Variants in COL26A1 observed in about 807,000 individuals in gnomAD.
The protein encoded by COL26A1 is collagen alpha-1(XXVI) chain.
A neutral mutation model predicts 59.3 loss-of-function variants in COL26A1; 41 were observed. That is an observed-to-expected ratio of 0.69 (90% CI 0.54 to 0.90). The LOEUF (loss-of-function observed/expected upper bound fraction) is 0.90, where lower values mean the gene tolerates loss of function less well. Ranked by LOEUF, COL26A1 falls within the 40% of genes least tolerant of loss-of-function variation. The pLI is 0.00. For synonymous variants in COL26A1, 266 were observed against 256.0 expected, an observed-to-expected ratio of 1.04 and a Z score of -0.37; for missense variants, 612 against 602.3, an observed-to-expected ratio of 1.02 and a Z score of -0.17.
chr7:101,366,474 A>ATTTTTT (rs869149636), intron 1 of COL26A1, among the ~76,000 whole-genome samples: 4 of 76,272 alleles, frequency 5.2e-5, no homozygotes, highest in East Asian at 3.7e-4. Context: ...TTAACGTCTG[A>ATTTTTT]TTTTTTTTTT....
intron 3 of COL26A1, among the ~76,000 whole-genome samples, chr7:101,525,409 C>T (rs1400874372): frequency 6.6e-6 from 1 of 151,102 alleles, no homozygotes; most frequent in Non-Finnish European, 1.5e-5. Flanking sequence ...TCTTGATCTC[C>T]TGAAGTCGTG....
At chr7:101,545,217 T>A in intron 6 of COL26A1, 121 bp from the exon 7 acceptor site, 4 of 838,372 alleles carry the variant, frequency 4.8e-6, no homozygotes, top group Non-Finnish European at 7.1e-6. Context: ...AGGTCACCAC[T>A]GACTGCCTGT....
At chr7:101,388,326 T>G (rs1404618962) in intron 1 of COL26A1, among the ~76,000 whole-genome samples, 2 of 151,352 alleles carry the variant, frequency 1.3e-5, no homozygotes, top group Non-Finnish European at 2.9e-5. Context: ...TACAAAAAAT[T>G]AGCTGGGTGT....
Position 101,370,810 on chromosome 7 carries a change from T to G in COL26A1, c.158+7620T>G, listed in dbSNP as rs373957961. On this transcript the variant is annotated intron_variant, in intron 1 of 12. Coordinates refer to ENST00000313669, the MANE Select transcript of COL26A1 (RefSeq NM_001278563.3). ...CCTCCCTCTTACCTTGACTCCCCCC[T>G]CTTTTGGTAGAACCACAAGCACCCT... 9.9e-5 allele frequency among the ~76,000 whole-genome samples: 15 copies of G among 152,250 alleles called. No homozygotes were observed. In the East Asian group the frequency reaches 1.5e-3, roughly 16 times the overall value.
At chr7:101,445,061 G>C (rs1191932650) in intron 2 of COL26A1, among the ~76,000 whole-genome samples, 2 of 150,722 alleles carry the variant, frequency 1.3e-5, no homozygotes, top group African/African-American at 4.9e-5. Context: ...GGCTGGTCTC[G>C]AACTCCTGAC....
Position 101,526,672 on chromosome 7 carries a change from C to G in COL26A1, c.386-6410C>G, listed in dbSNP as rs140707675. On this transcript the variant is annotated intron_variant, in intron 3 of 12. Coordinates refer to ENST00000313669, the MANE Select transcript of COL26A1 (RefSeq NM_001278563.3). ...TGAATTCTGGGAGCAGAGCCATCACCAGGAGCAGTGCTGACCAAAGGCAGA... is the reference window on the plus strand; with the variant it reads ...TGAATTCTGGGAGCAGAGCCATCACGAGGAGCAGTGCTGACCAAAGGCAGA... Among the ~76,000 whole-genome samples the G allele has an allele frequency of 8.3e-3, 1,266 of 152,340 alleles. 9 individuals carry two copies. Among genetic ancestry groups the G allele is most frequent in the Middle Eastern group, 0.017 (5 of 294 alleles).
intron 1 of COL26A1, among the ~76,000 whole-genome samples, chr7:101,384,025 T>C (rs1418260426): frequency 6.6e-6 from 1 of 152,100 alleles, no homozygotes; most frequent in African/African-American, 2.4e-5. Context: ...TATTTATTTA[T>C]TTATTTGAGA....
chr7:101,519,938 C>G (rs1390151530), intron 3 of COL26A1, among the ~76,000 whole-genome samples: 3 of 152,132 alleles, frequency 2.0e-5, no homozygotes, highest in Non-Finnish European at 4.4e-5. Flanking sequence ...CCAGTCCAGG[C>G]AGGGCTACAG....
intron 1 of COL26A1, among the ~76,000 whole-genome samples, chr7:101,402,471 A>C (rs1792031078): frequency 6.6e-6 from 1 of 151,872 alleles, no homozygotes; most frequent in Non-Finnish European, 1.5e-5. Flanking sequence ...TCACCTGTAA[A>C]AAGGGGGTTG....
At position 101,435,914 on chromosome 7, in the gene COL26A1, C is replaced by T. The variant is rs114663217; in HGVS notation, c.282-11770C>T. Among the ~76,000 whole-genome samples the T allele has an allele frequency of 6.1e-3, 933 of 152,288 alleles. 11 individuals carry two copies. The highest frequency in any genetic ancestry group is 0.022 in the African/African-American group (903 of 41,580). On this transcript the variant is annotated intron_variant, in intron 2 of 12. Coordinates refer to ENST00000313669, the MANE Select transcript of COL26A1 (RefSeq NM_001278563.3). ...CAGACGGCCCCCTGCCCGCCAGCCT[C>T]CCCCCTCTGGTTGGGTCGCCTGCTG...
chr7:101,363,777 G>T (rs1790971154), intron 1 of COL26A1, among the ~76,000 whole-genome samples: 9 of 152,172 alleles, frequency 5.9e-5, no homozygotes, highest in Admixed American at 5.9e-4. Flanking sequence ...CGTGGCTGGG[G>T]CTGGGGCTCT....
intron 3 of COL26A1, among the ~76,000 whole-genome samples, chr7:101,461,927 G>T (rs182769326): frequency 2.0e-4 from 30 of 151,994 alleles, no homozygotes; most frequent in African/African-American, 6.7e-4. Context: ...GGTTGATTGG[G>T]TTTTGCCTCT....
chr7:101,414,321 T>A (rs1792318614), intron 1 of COL26A1, among the ~76,000 whole-genome samples: 2 of 152,144 alleles, frequency 1.3e-5, no homozygotes, highest in South Asian at 4.1e-4. Flanking sequence ...ACGGCCTGTC[T>A]GTTCTAGAAC....
chr7:101,466,612 C>A (rs1180545918), intron 3 of COL26A1, among the ~76,000 whole-genome samples: 1 of 152,068 alleles, frequency 6.6e-6, no homozygotes, highest in Admixed American at 6.6e-5. Context: ...ATCGCTTGAG[C>A]CTCGGAGGTT....
chr7:101,412,476 C>T (rs903002891), intron 1 of COL26A1, among the ~76,000 whole-genome samples: 1 of 151,996 alleles, frequency 6.6e-6, no homozygotes, highest in Non-Finnish European at 1.5e-5. Flanking sequence ...GAAACCCCCT[C>T]TCTACTAAAA....
intron 1 of COL26A1, among the ~76,000 whole-genome samples, chr7:101,407,295 C>T (rs1792149330): frequency 6.6e-6 from 1 of 152,182 alleles, no homozygotes; most frequent in South Asian, 2.1e-4. Flanking sequence ...AAGCTGGCTG[C>T]CTTCACCATG....
At chr7:101,393,075 T>G (rs1386197325) in intron 1 of COL26A1, among the ~76,000 whole-genome samples, 1 of 151,158 alleles carries the variant, frequency 6.6e-6, no homozygotes, top group East Asian at 2.0e-4. Context: ...CAATCTCAGC[T>G]CACTGCAACC....
chr7:101,557,066 T>G (rs1399649584), intron 12 of COL26A1, among the ~76,000 whole-genome samples: 1 of 151,868 alleles, frequency 6.6e-6, no homozygotes, highest in Non-Finnish European at 1.5e-5. Context: ...AATGAGTGAA[T>G]GAATGGATAG....
At chr7:101,440,214 A>T (rs1793019022) in intron 2 of COL26A1, among the ~76,000 whole-genome samples, 1 of 151,908 alleles carries the variant, frequency 6.6e-6, no homozygotes, top group Non-Finnish European at 1.5e-5. Context: ...GAAAATACAA[A>T]AATTAGCCAG....
Sources: allele counts gnomAD v4.1 joint callset (sites outside exome capture counted in the v4.1 genomes callset), GRCh38; gene constraint gnomAD v4.1.1; transcripts MANE v1.5; gene names NCBI Gene and HGNC (gene_info 2026-07-23, HGNC 2026-07-21).